The following NSD1 variants were observed in gnomAD, a reference collection of about 807,000 sequenced individuals.
NSD1 encodes nuclear receptor binding SET domain protein 1.
NSD1 carries 26 observed loss-of-function variants against 242.7 expected under a neutral mutation model. The ratio of observed to expected loss-of-function variants is 0.11; its 90% CI spans 0.08 to 0.15. The LOEUF is 0.15. Among genes scored for constraint, NSD1 ranks in the 10% least tolerant of loss-of-function variants. The pLI is 1.00. For missense variants in NSD1, 2,495 were observed against 3,272.8 expected, an observed-to-expected ratio of 0.76 and a Z score of 5.80; for synonymous variants, 1,106 against 1,178.1, an observed-to-expected ratio of 0.94 and a Z score of 1.25.
At chr5:177,290,071 G>A (rs1434599822) in intron 21 of NSD1, among the ~76,000 whole-genome samples, 6 of 151,272 alleles carry the variant, frequency 4.0e-5, no homozygotes, top group Non-Finnish European at 7.4e-5. Context: ...CTCGTGATCC[G>A]CCCGCCTTAG....
Position 177,212,094 on chromosome 5 carries a change from C to T in NSD1, c.3695C>T (p.Pro1232Leu), listed in dbSNP as rs1763390164. The T allele has an allele frequency of 6.2e-7, 1 of 1,613,818 alleles. No individual in the cohort carries two copies. The highest frequency in any genetic ancestry group is 8.5e-7 in the Non-Finnish European group (1 of 1,180,008). Residue 1232 changes from proline (P) to leucine (L), a missense_variant, in exon 5 of 23, where the codon CCA (proline) becomes CTA (leucine). Physicochemically the swap from Pro to Leu is moderately conservative, Grantham distance 98 (BLOSUM62 -3). Coordinates refer to ENST00000439151, the MANE Select transcript of NSD1 (RefSeq NM_022455.5). ...GCTGACTGCTTAGATTCAGCTGGGC[C>T]ACGGTTAAATGTTTGTGATAAATCC... Reference protein sequence around the residue: ...NHADCLDSAGPRLNVCDKSSA... With the variant: ...NHADCLDSAGLRLNVCDKSSA...
At chr5:177,212,231 T>G (rs1460487267) in intron 5 of NSD1, 36 bp downstream of exon 5, 6 of 1,588,020 alleles carry the variant, frequency 3.8e-6, no homozygotes, top group Non-Finnish European at 5.2e-6. Context: ...AAAAAAAAAT[T>G]GGAGAAAGTG....
At chr5:177,181,132 AG>A (rs1760635125) in intron 2 of NSD1, among the ~76,000 whole-genome samples, 1 of 146,678 alleles carries the variant, frequency 6.8e-6, no homozygotes, top group African/African-American at 2.5e-5. Flanking sequence ...TCCGCCTCCC[AG>A]GTTCTCCTGC....
intron 17 of NSD1, among the ~76,000 whole-genome samples, chr5:177,276,644 T>TC (rs377618651): frequency 2.0e-5 from 3 of 151,592 alleles, no homozygotes; most frequent in African/African-American, 7.3e-5. Flanking sequence ...TGCTTTTTTC[T>TC]CCCCCCCTTT....
At position 177,213,250 on chromosome 5, in the gene NSD1, C is replaced by T. The variant is rs139178874; in HGVS notation, c.3796+1055C>T. Among the ~76,000 whole-genome samples, 17 of 152,264 alleles carry T rather than the reference C, an allele frequency of 1.1e-4. No individual in the cohort carries two copies. In the East Asian group the frequency reaches 3.3e-3, roughly 29 times the overall value. On this transcript the variant is annotated intron_variant, in intron 5 of 22. Coordinates refer to ENST00000439151, the MANE Select transcript of NSD1 (RefSeq NM_022455.5). The stretch of plus-strand genomic sequence containing the variant: ...TCTTTTTTACAGCAATATCCATTAA[C>T]ATAAGATTCTCAAAACTGTGTATCA...
At chr5:177,286,876 C>G (rs544622814) in intron 20 of NSD1, among the ~76,000 whole-genome samples, 3 of 152,284 alleles carry the variant, frequency 2.0e-5, no homozygotes, top group African/African-American at 7.2e-5. Context: ...TTGAAATTCT[C>G]AGACTCTTCC....
Position 177,160,337 on chromosome 5 carries a change from C to T in NSD1, c.927+24307C>T, listed in dbSNP as rs1214505448. Among the ~76,000 whole-genome samples the T allele has an allele frequency of 2.0e-5, 3 of 151,324 alleles. No individual in the cohort carries two copies. In the Admixed American group the frequency reaches 2.0e-4, roughly 10 times the overall value. Reference sequence around the variant, plus strand: ...GTTTTTTGTTTTTGAGACAGAGTTTCACTCTGTCGCACAGGCTGGAATCCA... The same window carrying T: ...GTTTTTTGTTTTTGAGACAGAGTTTTACTCTGTCGCACAGGCTGGAATCCA... On this transcript the variant is annotated intron_variant, in intron 2 of 22. Transcript: ENST00000439151.
intron 9 of NSD1, 45 bp from the exon 10 acceptor site, chr5:177,246,633 A>G (rs748039970): frequency 5.5e-6 from 7 of 1,268,262 alleles, no homozygotes; most frequent in Non-Finnish European, 6.9e-6. Context: ...GATTTTGGAC[A>G]TGTGTGTTAG....
chr5:177,267,922 AT>A (rs1263016749), intron 15 of NSD1, among the ~76,000 whole-genome samples: 4 of 142,688 alleles, frequency 2.8e-5, no homozygotes, highest in Admixed American at 1.4e-4. Flanking sequence ...CTCTGTCGAA[AT>A]TTTTTTTTCT....
chr5:177,290,835 A>G (rs376990656), intron 21 of NSD1, among the ~76,000 whole-genome samples: 1 of 152,188 alleles, frequency 6.6e-6, no homozygotes. Context: ...GTTCCTTAAG[A>G]TGTTGACTTG....
At chr5:177,266,557 A>G (rs1345448455) in intron 14 of NSD1, 1 of 707,094 alleles carries the variant, frequency 1.4e-6, no homozygotes, top group African/African-American at 1.8e-5. Context: ...GGACACCTCC[A>G]TGATGCAGTT....
At chr5:177,140,891 C>CTAATATCTCATGCA (rs1423142886) in intron 2 of NSD1, among the ~76,000 whole-genome samples, 2 of 152,102 alleles carry the variant, frequency 1.3e-5, no homozygotes, top group Non-Finnish European at 1.5e-5. Flanking sequence ...TCAGAGGTTC[C>CTAATATCTCATGCA]TTCCTCTTCT....
chr5:177,277,809 C>T (rs1437549446), intron 17 of NSD1, among the ~76,000 whole-genome samples: 1 of 152,188 alleles, frequency 6.6e-6, no homozygotes, highest in Non-Finnish European at 1.5e-5. Context: ...TGCACTACTG[C>T]ACTCCAGTCT....
rs551976528 is a variant in NSD1 at position 177,255,551 on chromosome 5, G to A, written c.4766-1400G>A. On this transcript the variant is annotated intron_variant, in intron 12 of 22. Transcript: ENST00000439151. ...TACTGCATCTCACAGAGAGATAGAG[G>A]TCTGTGGTTTTTGTTTTGTTTTGTT... 7.9e-5 allele frequency among the ~76,000 whole-genome samples: 12 copies of A among 152,134 alleles called. No homozygotes were observed. The East Asian group carries it at 1.2e-3, about 15-fold the overall frequency.
At chr5:177,289,091 G>A (rs1212360981) in intron 21 of NSD1, among the ~76,000 whole-genome samples, 166 bp downstream of exon 21, 3 of 152,138 alleles carry the variant, frequency 2.0e-5, no homozygotes, top group Non-Finnish European at 2.9e-5. Context: ...AGGCTGAGGT[G>A]GGCGGATCAC....
intron 3 of NSD1, among the ~76,000 whole-genome samples, chr5:177,194,033 T>G (rs1216993243): frequency 6.6e-6 from 1 of 152,180 alleles, no homozygotes; most frequent in Non-Finnish European, 1.5e-5. Context: ...GGTCTTGGCC[T>G]CCCAAAGTGT....
At chr5:177,182,076 C>T (rs191952442) in intron 2 of NSD1, among the ~76,000 whole-genome samples, 3 of 151,508 alleles carry the variant, frequency 2.0e-5, no homozygotes, top group African/African-American at 4.9e-5. Context: ...GGTGTGAACC[C>T]GGGAGGTGGA....
chr5:177,184,351 A>G (rs1051650098), intron 2 of NSD1, among the ~76,000 whole-genome samples: 4 of 151,904 alleles, frequency 2.6e-5, no homozygotes, highest in African/African-American at 9.7e-5. Flanking sequence ...TTTGATTTGC[A>G]TTTCTCTGAT....
chr5:177,153,911 G>A (rs942646068), intron 2 of NSD1, among the ~76,000 whole-genome samples: 1 of 152,072 alleles, frequency 6.6e-6, no homozygotes, highest in Non-Finnish European at 1.5e-5. Context: ...TCCCTTCTGC[G>A]TAACAGACCC....
Sources: allele counts gnomAD v4.1 joint callset (sites outside exome capture counted in the v4.1 genomes callset), GRCh38; gene constraint gnomAD v4.1.1; transcripts MANE v1.5; gene names NCBI Gene and HGNC (gene_info 2026-07-23, HGNC 2026-07-21).